BBX: variants seen among roughly 807,000 people sequenced by gnomAD.
The protein encoded by BBX is HMG box transcription factor BBX.
A neutral mutation model predicts 100.2 loss-of-function variants in BBX; 30 were observed. The ratio of observed to expected loss-of-function variants is 0.30; its 90% CI spans 0.22 to 0.41. BBX has a LOEUF of 0.41. Ranked by LOEUF, BBX falls within the 10% of genes least tolerant of loss-of-function variation. BBX has a pLI of 1.00. For synonymous variants in BBX, 376 were observed against 388.1 expected (o/e 0.97, Z 0.37); for missense variants, 1,023 against 1,129.8 (o/e 0.91, Z 1.35).
chr3:107,798,558 G>A lies in BBX; in HGVS notation c.2389G>A (p.Val797Ile), dbSNP rs145336154. Reference protein sequence around the residue: ...FSEDRNTMEPVHKVKNIPSIF... With the variant: ...FSEDRNTMEPIHKVKNIPSIF... ...AGAAGACAGAAACACCATGGAGCCTGTTCATAAGGTTAAAAATATCCCATC... is the reference window on the plus strand; with the variant it reads ...AGAAGACAGAAACACCATGGAGCCTATTCATAAGGTTAAAAATATCCCATC... The change falls in exon 16 of 18, where the codon GTT becomes ATT. Residue 797 changes from valine (V) to isoleucine (I), a missense_variant. By Grantham distance (29) the Val-to-Ile change is conservative. Around this residue, in one of 9 missense-constraint regions of BBX, gnomAD observed 215 missense variants for 211.3 expected, o/e 1.02. Transcript: ENST00000325805. 11 of 1,613,886 alleles carry A rather than the reference G, an allele frequency of 6.8e-6. No homozygotes were observed. The highest frequency in any genetic ancestry group is 8.5e-6 in the Non-Finnish European group (10 of 1,179,950).
At chr3:107,726,400 G>T (rs1461411791) in intron 5 of BBX, among the ~76,000 whole-genome samples, 1 of 151,516 alleles carries the variant, frequency 6.6e-6, no homozygotes, top group Admixed American at 6.6e-5. Flanking sequence ...ACTCCTTAAG[G>T]ACAAAGACTG....
intron 2 of BBX, among the ~76,000 whole-genome samples, chr3:107,571,684 C>T (rs1356297928): frequency 6.6e-6 from 1 of 152,234 alleles, no homozygotes; most frequent in Non-Finnish European, 1.5e-5. Context: ...CGAAGGAGTC[C>T]TCCTGTCCCA....
intron 2 of BBX, among the ~76,000 whole-genome samples, chr3:107,607,674 C>T (rs770802593): frequency 2.0e-5 from 3 of 152,166 alleles, no homozygotes; most frequent in Non-Finnish European, 2.9e-5. Context: ...TACATTCCCA[C>T]CTGCAGCGTG....
intron 2 of BBX, among the ~76,000 whole-genome samples, chr3:107,633,318 T>G (rs570570209): frequency 6.6e-5 from 10 of 152,256 alleles, no homozygotes; most frequent in African/African-American, 2.2e-4. Flanking sequence ...ATATTATTAT[T>G]AAATCTTTTG....
chr3:107,613,699 G>A (rs1389304094), intron 2 of BBX, among the ~76,000 whole-genome samples: 2 of 152,048 alleles, frequency 1.3e-5, no homozygotes, highest in East Asian at 3.9e-4. Context: ...TATGCTTTTT[G>A]TTGTAGAATT....
At chr3:107,729,071 C>T in intron 6 of BBX, 111 bp downstream of exon 6, 1 of 1,078,136 alleles carries the variant, frequency 9.3e-7, no homozygotes, top group Non-Finnish European at 1.4e-6. Flanking sequence ...CAATATTAAG[C>T]AGTGGCAAAG....
intron 2 of BBX, among the ~76,000 whole-genome samples, chr3:107,623,783 C>T (rs1435522665): frequency 1.3e-5 from 2 of 152,176 alleles, no homozygotes; most frequent in Non-Finnish European, 2.9e-5. Context: ...AAAGATAAAA[C>T]ATAAATACTG....
chr3:107,747,438 A>G (rs1362764028), intron 8 of BBX, among the ~76,000 whole-genome samples: 1 of 152,134 alleles, frequency 6.6e-6, no homozygotes, highest in Admixed American at 6.5e-5. Context: ...AATAAGTCTT[A>G]GAAAGTTTAG....
intron 15 of BBX, among the ~76,000 whole-genome samples, chr3:107,795,191 T>A (rs1039701357): frequency 3.3e-5 from 5 of 152,208 alleles, no homozygotes; most frequent in Non-Finnish European, 5.9e-5. Flanking sequence ...CTTGTTTCCC[T>A]CTCTGAACTT....
intron 2 of BBX, among the ~76,000 whole-genome samples, chr3:107,584,064 C>A (rs1372043448): frequency 1.1e-3 from 11 of 10,238 alleles, no homozygotes; most frequent in African/African-American, 3.7e-3. Context: ...TTATATATAT[C>A]ATATATTATA....
chr3:107,642,273 A>G (rs11916330), intron 2 of BBX, among the ~76,000 whole-genome samples: 1,644 of 152,338 alleles, frequency 0.011, 45 homozygotes, highest in African/African-American at 0.037. Flanking sequence ...CAACTCCATT[A>G]TATTACATGG....
At chr3:107,798,881 T>C (rs1576872330) in intron 16 of BBX, among the ~76,000 whole-genome samples, 161 bp downstream of exon 16, 1 of 148,138 alleles carries the variant, frequency 6.8e-6, no homozygotes, top group South Asian at 2.1e-4. Context: ...CCAGGCGCGG[T>C]GGCTCACGTC....
At chr3:107,727,332 G>T (rs910551441) in intron 5 of BBX, among the ~76,000 whole-genome samples, 2 of 152,030 alleles carry the variant, frequency 1.3e-5, no homozygotes, top group African/African-American at 4.8e-5. Flanking sequence ...AAAGCTATTT[G>T]TCTGCCTCAG....
At chr3:107,537,799 C>T (rs778578827) in intron 2 of BBX, among the ~76,000 whole-genome samples, 1 of 152,130 alleles carries the variant, frequency 6.6e-6, no homozygotes, top group African/African-American at 2.4e-5. Flanking sequence ...GGACATCAGC[C>T]CAGTTTAGAT....
chr3:107,777,692 G>A (rs1268353373), intron 12 of BBX, among the ~76,000 whole-genome samples: 1 of 152,160 alleles, frequency 6.6e-6, no homozygotes, highest in African/African-American at 2.4e-5. Flanking sequence ...AGTCATTGAT[G>A]ATTTAAGTTA....
At chr3:107,599,853 C>T (rs558250346) in intron 2 of BBX, among the ~76,000 whole-genome samples, 5 of 152,140 alleles carry the variant, frequency 3.3e-5, no homozygotes, top group African/African-American at 7.2e-5. Flanking sequence ...CTTTTGGTGG[C>T]GGTTGTCTGT....
At chr3:107,786,386 A>C (rs2068429120) in intron 13 of BBX, among the ~76,000 whole-genome samples, 1 of 152,154 alleles carries the variant, frequency 6.6e-6, no homozygotes, top group Non-Finnish European at 1.5e-5. Flanking sequence ...ATAGTAGTTG[A>C]TTTTAAAACT....
intron 3 of BBX, among the ~76,000 whole-genome samples, chr3:107,655,932 C>T (rs538731028): frequency 6.6e-6 from 1 of 152,236 alleles, no homozygotes; most frequent in South Asian, 2.1e-4. Flanking sequence ...GATCTCCTGA[C>T]CTCGTGATCC....
chr3:107,547,644 C>T (rs1272886541), intron 2 of BBX, among the ~76,000 whole-genome samples: 2 of 152,124 alleles, frequency 1.3e-5, no homozygotes, highest in South Asian at 2.1e-4. Flanking sequence ...GTACCCGGCA[C>T]TCTTCTGTGT....
Sources: gnomAD v4.1 joint callset for allele counts (sites outside exome capture counted in the v4.1 genomes callset) on GRCh38, gnomAD v4.1.1 for gene constraint, gnomAD v4.1.1 regional missense constraint, MANE v1.5 for transcripts, NCBI Gene and HGNC (gene_info 2026-07-23, HGNC 2026-07-21) for gene names.